Variants in KCNJ10 observed in about 807,000 individuals in gnomAD.
KCNJ10 encodes ATP-sensitive inward rectifier potassium channel 10.
A neutral mutation model predicts 22.2 loss-of-function variants in KCNJ10; 9 were observed. The observed-to-expected ratio is 0.40, with a 90% CI of 0.24 to 0.71. The LOEUF is 0.71. KCNJ10 is among the 30% of genes least tolerant of loss of function. KCNJ10 has a pLI of 0.35. For synonymous variants in KCNJ10, 184 were observed against 187.3 expected, an observed-to-expected ratio of 0.98 and a Z score of 0.15; for missense variants, 337 against 482.7, an observed-to-expected ratio of 0.70 and a Z score of 2.83.
chr1:160,066,696 G>A (rs1282168869), intron 1 of KCNJ10, among the ~76,000 whole-genome samples: 6 of 152,160 alleles, frequency 3.9e-5, no homozygotes, highest in Admixed American at 6.5e-5. Flanking sequence ...CTCTCAGAGC[G>A]GAAAGTAGCC....
intron 1 of KCNJ10, among the ~76,000 whole-genome samples, chr1:160,049,671 TTATTTATATATATA>T (rs1265884367): frequency 3.6e-5 from 2 of 55,502 alleles, no homozygotes; most frequent in African/African-American, 6.7e-5. Flanking sequence ...AGCATTTTAT[TTATTTATATATATA>T]TATATATATA....
At chr1:160,056,809 C>T (rs2101932028) in intron 1 of KCNJ10, among the ~76,000 whole-genome samples, 1 of 152,310 alleles carries the variant, frequency 6.6e-6, no homozygotes, top group East Asian at 1.9e-4. Context: ...GCATGTGAGC[C>T]ATCACTCATC....
intron 1 of KCNJ10, among the ~76,000 whole-genome samples, chr1:160,069,571 C>G (rs955786331): frequency 2.0e-5 from 3 of 152,000 alleles, no homozygotes; most frequent in Non-Finnish European, 4.4e-5. Flanking sequence ...CATGTGGGAA[C>G]TAGCGATCAT....
intron 1 of KCNJ10, chr1:160,063,693 G>A (rs1649251671): frequency 6.6e-6 from 1 of 152,254 alleles, no homozygotes. Flanking sequence ...AGAACTCCTG[G>A]GTTCGGGGCC....
chr1:160,047,727 T>C (rs373617408), intron 1 of KCNJ10, among the ~76,000 whole-genome samples: 21 of 152,242 alleles, frequency 1.4e-4, no homozygotes, highest in African/African-American at 5.1e-4. Flanking sequence ...GTACATATTC[T>C]CTTTCCCCCA....
chr1:160,066,379 C>T (rs560674211), intron 1 of KCNJ10, among the ~76,000 whole-genome samples: 3 of 152,148 alleles, frequency 2.0e-5, no homozygotes, highest in African/African-American at 7.2e-5. Flanking sequence ...AAGAAAAAAC[C>T]TAGGACAGAA....
intron 1 of KCNJ10, 55 bp downstream of exon 1, chr1:160,069,967 G>A (rs1045206661): frequency 2.6e-5 from 4 of 152,750 alleles, no homozygotes; most frequent in African/African-American, 9.6e-5. Flanking sequence ...GGAGAGTTAG[G>A]GGGACAGGAC....
At chr1:160,055,645 T>A (rs747090099) in intron 1 of KCNJ10, among the ~76,000 whole-genome samples, 3 of 152,214 alleles carry the variant, frequency 2.0e-5, no homozygotes, top group Non-Finnish European at 4.4e-5. Context: ...TGATCATATG[T>A]GTGAGAACAC....
intron 1 of KCNJ10, among the ~76,000 whole-genome samples, chr1:160,053,552 A>G (rs2101930575): frequency 6.6e-6 from 1 of 152,258 alleles, no homozygotes; most frequent in Non-Finnish European, 1.5e-5. Flanking sequence ...AGGAAAATAA[A>G]CAAATAGAAA....
At chr1:160,068,903 A>G (rs1649388103) in intron 1 of KCNJ10, among the ~76,000 whole-genome samples, 1 of 152,088 alleles carries the variant, frequency 6.6e-6, no homozygotes, top group Non-Finnish European at 1.5e-5. Flanking sequence ...CATCTCTCAC[A>G]TGGGGGCCCT....
At chr1:160,048,192 A>G (rs1466705559) in intron 1 of KCNJ10, among the ~76,000 whole-genome samples, 1 of 67,896 alleles carries the variant, frequency 1.5e-5, no homozygotes, top group African/African-American at 5.7e-5. Flanking sequence ...AGAAAGAGTA[A>G]GGGAATGACT....
Position 160,042,041 on chromosome 1 carries a change from G to A in KCNJ10, c.492C>T (p.Thr164=), listed in dbSNP as rs1331864935. ...TTILEIFITG[T]FLAKIARPKK... ...TGGGCCGGGCAATCTTCGCCAGGAA[G>A]GTACCTGTGATGAAGATTTCCAGGA... The change falls in exon 2 of 2, where the codon ACC becomes ACT. Residue 164 remains threonine (T), a synonymous_variant. Coordinates refer to ENST00000644903, the MANE Select transcript of KCNJ10 (RefSeq NM_002241.5). The A allele has an allele frequency of 6.4e-7, 1 of 1,559,462 alleles. No individual in the cohort carries two copies. The highest frequency in any genetic ancestry group is 8.7e-7 in the Non-Finnish European group (1 of 1,152,050).
At chr1:160,061,078 C>T (rs1223982348) in intron 1 of KCNJ10, among the ~76,000 whole-genome samples, 1 of 152,166 alleles carries the variant, frequency 6.6e-6, no homozygotes, top group Non-Finnish European at 1.5e-5. Flanking sequence ...ACCCGTTCTT[C>T]TCCCCACCCC....
intron 1 of KCNJ10, among the ~76,000 whole-genome samples, chr1:160,066,557 G>T (rs918247344): frequency 6.6e-6 from 1 of 152,146 alleles, no homozygotes; most frequent in Non-Finnish European, 1.5e-5. Context: ...GGTAGTCACT[G>T]TGCATCCTCA....
intron 1 of KCNJ10, among the ~76,000 whole-genome samples, chr1:160,045,195 C>T (rs1166966493): frequency 6.6e-6 from 1 of 152,146 alleles, no homozygotes; most frequent in African/African-American, 2.4e-5. Context: ...CTTTAAAAAT[C>T]AGTGGTACTG....
chr1:160,055,843 T>A (rs1349890378), intron 1 of KCNJ10, among the ~76,000 whole-genome samples: 1 of 152,226 alleles, frequency 6.6e-6, no homozygotes, highest in Non-Finnish European at 1.5e-5. Flanking sequence ...CCTTGATCAC[T>A]GTACTCCATC....
chr1:160,041,453 T>C lies in KCNJ10; in HGVS notation c.1080A>G (p.Ser360=). Residue 360 remains serine, a synonymous_variant, in exon 2 of 2, where the codon TCA becomes TCG. Coordinates refer to ENST00000644903, the MANE Select transcript of KCNJ10 (RefSeq NM_002241.5). The surrounding 1 kb of genome is among the most constrained non-coding windows in gnomAD (Gnocchi z 4.4). ...GDPEKLKLEE[S]LREQAEKEGS... ...CCTCCTTCTCAGCTTGCTCCCTTAA[T>C]GACTCCTCCAACTTGAGCTTTTCAG... 1.2e-6 allele frequency: 2 copies of C among 1,614,164 alleles called. No homozygotes were observed. The highest frequency in any genetic ancestry group is 1.7e-6 in the Non-Finnish European group (2 of 1,180,014).
Position 160,038,434 on chromosome 1 carries a change from T to G in KCNJ10, c.*2959A>C, listed in dbSNP as rs1315504540. On this transcript the variant is annotated 3_prime_UTR_variant, in exon 2 of 2. Transcript: ENST00000644903. ...GCATAGGATTCAACAAAAGCCTTCA[T>G]GAATGCCTCTTTATTTCTGAAAAGG... 1.3e-5 allele frequency: 2 copies of G among 152,196 alleles called. No individual in the cohort carries two copies. The highest frequency in any genetic ancestry group is 4.8e-5 in the African/African-American group (2 of 41,440). 9.4% of individuals were successfully genotyped at this position (152,196 alleles called of 1,614,324 possible). A position where few individuals can be genotyped will look rare whatever the true frequency, so the allele number is the denominator to read the frequency against.
intron 1 of KCNJ10, among the ~76,000 whole-genome samples, chr1:160,055,451 C>T (rs1479707360): frequency 6.6e-6 from 1 of 152,188 alleles, no homozygotes; most frequent in Non-Finnish European, 1.5e-5. Context: ...TCTTAACACT[C>T]TCTTTTGGCT....
Sources: gnomAD v4.1 joint callset for allele counts (sites outside exome capture counted in the v4.1 genomes callset) on GRCh38, gnomAD v4.1.1 for gene constraint, Gnocchi (gnomAD v3.1) non-coding constraint, MANE v1.5 for transcripts, NCBI Gene and HGNC (gene_info 2026-07-23, HGNC 2026-07-21) for gene names.